The following PPHLN1 variants were observed in gnomAD, a reference collection of about 807,000 sequenced individuals.
PPHLN1 encodes the protein periphilin-1.
In PPHLN1, 29 loss-of-function variants were observed where a neutral mutation model predicts 51.3. That is an observed-to-expected ratio of 0.57 (90% CI 0.42 to 0.77). The LOEUF (loss-of-function observed/expected upper bound fraction) is 0.77, where lower values mean the gene tolerates loss of function less well. Ranked by LOEUF, PPHLN1 falls within the 30% of genes least tolerant of loss-of-function variation. PPHLN1 has a pLI of 0.00. For synonymous variants in PPHLN1, 147 were observed against 147.8 expected (o/e 0.99, Z 0.04); for missense variants, 436 against 438.4 (o/e 0.99, Z 0.05).
chr12:42,418,066 C>A (rs1266676984), intron 9 of PPHLN1, among the ~76,000 whole-genome samples: 1 of 150,190 alleles, frequency 6.7e-6, no homozygotes, highest in Non-Finnish European at 1.5e-5. Flanking sequence ...CAGCCTCCTA[C>A]GTAGCTGGGA....
intron 4 of PPHLN1, among the ~76,000 whole-genome samples, chr12:42,365,355 G>A (rs1305025839): frequency 1.3e-5 from 2 of 152,118 alleles, no homozygotes; most frequent in African/African-American, 2.4e-5. Flanking sequence ...TTTGGATGTG[G>A]GAAGGAGAGA....
chr12:42,337,825 C>A (rs181402422), intron 2 of PPHLN1, among the ~76,000 whole-genome samples: 4 of 148,636 alleles, frequency 2.7e-5, no homozygotes, highest in Non-Finnish European at 5.9e-5. Flanking sequence ...ACTCTCTTGC[C>A]CAGGCTGGAG....
At chr12:42,439,984 A>G (rs1015703493) in intron 9 of PPHLN1, among the ~76,000 whole-genome samples, 10 of 151,878 alleles carry the variant, frequency 6.6e-5, no homozygotes, top group African/African-American at 2.2e-4. Flanking sequence ...GACTATATTG[A>G]AATTTATGTA....
In PPHLN1 at chr12:42,431,646, A is replaced by G. The variant is rs1779069637; in HGVS notation, c.910-9669A>G. Reference sequence around the variant, plus strand: ...TGTAAATGTAATGTAAAAGAACTGTAAACTAGGAACTTCTTCAGTTTATGA... The same window carrying G: ...TGTAAATGTAATGTAAAAGAACTGTGAACTAGGAACTTCTTCAGTTTATGA... On this transcript the variant is annotated intron_variant, in intron 9 of 9. Coordinates refer to ENST00000358314, the MANE Select transcript of PPHLN1 (RefSeq NM_201439.2). The G allele has an allele frequency of 4.2e-6, 4 of 959,508 alleles. No homozygotes were observed. The South Asian group carries it at 5.8e-5, about 14-fold the overall frequency. 59.4% of individuals were successfully genotyped at this position (959,508 alleles called of 1,614,324 possible).
At chr12:42,375,853 G>A (rs1454570120) in intron 5 of PPHLN1, among the ~76,000 whole-genome samples, 1 of 152,158 alleles carries the variant, frequency 6.6e-6, no homozygotes, top group Non-Finnish European at 1.5e-5. Flanking sequence ...GCAGCCTGCA[G>A]TAGAGCTCGT....
chr12:42,349,579 G>A (rs2072905579), intron 2 of PPHLN1, among the ~76,000 whole-genome samples: 1 of 151,960 alleles, frequency 6.6e-6, no homozygotes, highest in Non-Finnish European at 1.5e-5. Context: ...TGTGTCCCTG[G>A]GTACTTGAGA....
At chr12:42,376,000 A>G (rs1242780233) in intron 5 of PPHLN1, among the ~76,000 whole-genome samples, 1 of 152,216 alleles carries the variant, frequency 6.6e-6, no homozygotes, top group Non-Finnish European at 1.5e-5. Context: ...ATATGTTTAT[A>G]TATAACTTTG....
At chr12:42,335,859 C>G in intron 1 of PPHLN1, 24 bp from the exon 2 acceptor site, 1 of 1,412,114 alleles carries the variant, frequency 7.1e-7, no homozygotes, top group Admixed American at 2.1e-5. Flanking sequence ...GTATAAAATC[C>G]ATAATTCTTT....
chr12:42,416,690 A>G (rs1464567014), intron 9 of PPHLN1, among the ~76,000 whole-genome samples: 1 of 152,228 alleles, frequency 6.6e-6, no homozygotes. Context: ...CTGCAACTCA[A>G]TTCTGGCACT....
intron 4 of PPHLN1, among the ~76,000 whole-genome samples, chr12:42,360,922 A>ATTGCTT (rs1203487017): frequency 6.6e-6 from 1 of 152,098 alleles, no homozygotes; most frequent in Non-Finnish European, 1.5e-5. Context: ...TCCCCCTGAA[A>ATTGCTT]TTGCTTTGTG....
At chr12:42,407,147 T>C (rs1311627847) in intron 9 of PPHLN1, among the ~76,000 whole-genome samples, 1 of 152,196 alleles carries the variant, frequency 6.6e-6, no homozygotes, top group East Asian at 1.9e-4. Context: ...TGTTTTTCTT[T>C]TTTAAGAGTG....
intron 2 of PPHLN1, 140 bp downstream of exon 2, chr12:42,336,114 TTTAAAAG>T (rs2070619921): frequency 4.4e-6 from 2 of 457,890 alleles, no homozygotes; most frequent in Non-Finnish European, 7.6e-6. Context: ...AAGCTTATCT[TTTAAAAG>T]TTAAAAGTTC....
intron 9 of PPHLN1, 120 bp from the exon 10 acceptor site, chr12:42,441,195 C>T (rs550065515): frequency 3.1e-5 from 42 of 1,335,124 alleles, no homozygotes; most frequent in Non-Finnish European, 3.7e-5. Context: ...AGAAAGGTTC[C>T]GCTTTCTTTT....
chr12:42,335,477 C>T (rs987241264), intron 1 of PPHLN1, among the ~76,000 whole-genome samples: 1 of 151,898 alleles, frequency 6.6e-6, no homozygotes, highest in South Asian at 2.1e-4. Context: ...GTTATTTATA[C>T]GAACTATTCA....
intron 5 of PPHLN1, among the ~76,000 whole-genome samples, chr12:42,377,493 A>G (rs1211152614): frequency 6.6e-6 from 1 of 151,828 alleles, no homozygotes; most frequent in East Asian, 1.9e-4. Context: ...TAGTAGAGAC[A>G]GGGTTGCACC....
At chr12:42,352,465 A>G (rs2073483562) in intron 3 of PPHLN1, among the ~76,000 whole-genome samples, 2 of 148,992 alleles carry the variant, frequency 1.3e-5, no homozygotes, top group Non-Finnish European at 3.0e-5. Context: ...GTTGGGGTGC[A>G]GTGGCGCGAT....
chr12:42,336,127 A>G (rs1357650316), intron 2 of PPHLN1, among the ~76,000 whole-genome samples, 153 bp downstream of exon 2: 1 of 152,210 alleles, frequency 6.6e-6, no homozygotes, highest in African/African-American at 2.4e-5. Context: ...AAAAGTTAAA[A>G]GTTCAAAAAT....
intron 9 of PPHLN1, among the ~76,000 whole-genome samples, chr12:42,419,402 T>TGGCTACC (rs2139664957): frequency 6.6e-6 from 1 of 151,518 alleles, no homozygotes; most frequent in Non-Finnish European, 1.5e-5. Context: ...CCACCACACC[T>TGGCTACC]TTTATATTTT....
At chr12:42,353,222 C>T (rs1295139755) in intron 3 of PPHLN1, among the ~76,000 whole-genome samples, 1 of 152,112 alleles carries the variant, frequency 6.6e-6, no homozygotes, top group Non-Finnish European at 1.5e-5. Context: ...TGATGGAATT[C>T]CTCTGTCCTA....
Sources: gnomAD v4.1 joint callset for allele counts (sites outside exome capture counted in the v4.1 genomes callset) on GRCh38, gnomAD v4.1.1 for gene constraint, MANE v1.5 for transcripts, NCBI Gene and HGNC (gene_info 2026-07-23, HGNC 2026-07-21) for gene names.